The following TFR2 variants were observed in gnomAD, a reference collection of about 807,000 sequenced individuals.
The protein encoded by TFR2 is transferrin receptor 2.
In TFR2, 64 loss-of-function variants were observed where a neutral mutation model predicts 91.9. The observed-to-expected ratio is 0.70, with a 90% CI of 0.57 to 0.86. TFR2 has a LOEUF of 0.86. TFR2 is among the 40% of genes least tolerant of loss of function. TFR2 has a pLI of 0.00. For synonymous variants in TFR2, 454 were observed against 459.6 expected, an observed-to-expected ratio of 0.99 and a Z score of 0.15; for missense variants, 950 against 1,080.5, an observed-to-expected ratio of 0.88 and a Z score of 1.69.
In TFR2 at chr7:100,620,693, A is replaced by G; in HGVS notation, c.*164T>C. 1 of 901,462 alleles carries G rather than the reference A, an allele frequency of 1.1e-6. No individual in the cohort carries two copies. Among genetic ancestry groups the G allele is most frequent in the East Asian group, 2.7e-5 (1 of 37,274 alleles). 55.8% of individuals were successfully genotyped at this position (901,462 alleles called of 1,614,324 possible). On this transcript the variant is annotated 3_prime_UTR_variant, in exon 18 of 18. Transcript: ENST00000223051. ...CACTGCAGGGCTGGGGTGTGTGGAT[A>G]TCTGTGCTGGGGTCTGGGCTCCGTG...
At chr7:100,638,748 CA>C in intron 3 of TFR2, among the ~76,000 whole-genome samples, 1 of 89,046 alleles carries the variant, frequency 1.1e-5, no homozygotes, top group Admixed American at 1.3e-4. Context: ...AACTCTGTCT[CA>C]AAAAAAGTAA....
rs3076877 is a variant in TFR2 at position 100,634,177 on chromosome 7, A to AACACACACACACACACACACACACACAC, written c.474-649_474-622dup. Among the ~76,000 whole-genome samples, 44 of 132,804 alleles carry AACACACACACACACACACACACACACAC rather than the reference A, an allele frequency of 3.3e-4. No homozygotes were observed. In the East Asian group the frequency reaches 4.2e-3, roughly 13 times the overall value. 87.1% of individuals were successfully genotyped at this position (132,804 alleles called of 152,430 possible). ...CCCCAACCTCGTTCCTCCCGACGTCAACACACACACACACACACACACACA... is the reference window on the plus strand; with the variant it reads ...CCCCAACCTCGTTCCTCCCGACGTCAACACACACACACACACACACACACACACACACACACACACACACACACACACA... On this transcript the variant is annotated intron_variant, in intron 3 of 17. Transcript: ENST00000223051.
Position 100,627,286 on chromosome 7 carries a change from T to C in TFR2, c.1973A>G (p.Asn658Ser). 3 of 1,549,268 alleles carry C rather than the reference T, an allele frequency of 1.9e-6. No individual in the cohort carries two copies. The highest frequency in any genetic ancestry group is 2.6e-6 in the Non-Finnish European group (3 of 1,146,770). The change falls in exon 16 of 18, where the codon AAC (asparagine) becomes AGC (serine). Residue 658 changes from asparagine to serine, a missense_variant. Coordinates refer to ENST00000223051, the MANE Select transcript of TFR2 (RefSeq NM_003227.4). Reference protein sequence around the residue: ...DVVLRHIGNLNEFSGDLKARG... With the variant: ...DVVLRHIGNLSEFSGDLKARG... ...AACCTTGAGGTCCCCAGAGAACTCG[T>C]TGAGGTTCCCGATGTGCCTGAGGAC...
At chr7:100,631,697 G>A in intron 8 of TFR2, 109 bp downstream of exon 8, 1 of 1,479,960 alleles carries the variant, frequency 6.8e-7, no homozygotes, top group Non-Finnish European at 9.1e-7. Flanking sequence ...CTCACTGCAG[G>A]CTTAAACAAG....
intron 8 of TFR2, 36 bp from the exon 9 acceptor site, chr7:100,631,088 G>A (rs776560710): frequency 6.6e-7 from 1 of 1,507,360 alleles, no homozygotes; most frequent in Non-Finnish European, 8.8e-7. Context: ...GGAAGTTGTA[G>A]AGAGACCCAG....
intron 17 of TFR2, among the ~76,000 whole-genome samples, chr7:100,625,758 G>A (rs962820984): frequency 1.3e-5 from 2 of 152,138 alleles, no homozygotes; most frequent in Admixed American, 1.3e-4. Context: ...CATGGCACGT[G>A]CCTGTACTCC....
chr7:100,633,407 C>G lies in TFR2; in HGVS notation c.614+9G>C. The G allele has an allele frequency of 6.2e-7, 1 of 1,606,952 alleles. No individual in the cohort carries two copies. The highest frequency in any genetic ancestry group is 8.5e-7 in the Non-Finnish European group (1 of 1,176,536). On this transcript the variant is annotated intron_variant, in intron 4 of 17. Transcript: ENST00000223051. ...TCCCCGCGCGCCCCCCGCCCGCGCG[C>G]GCACTCACGGATCCGGGAATTGCAG...
chr7:100,626,777 C>A lies in TFR2; in HGVS notation c.2122G>T (p.Val708Leu), dbSNP rs1389052047. 4 of 1,546,400 alleles carry A rather than the reference C, an allele frequency of 2.6e-6. No individual in the cohort carries two copies. In the South Asian group the frequency reaches 4.8e-5, roughly 18 times the overall value. ...RDERLTRMYN[V>L]RIMRVEFYFL... is the part of the protein sequence containing the mutation. ...CGGGGCCTCACCCGCATTATGCGCA[C>A]GTTGTACATGCGTGTCAGTCGCTCG... The change falls in exon 17 of 18, where the codon GTG (valine) becomes TTG (leucine). Residue 708 changes from valine to leucine, a missense_variant. Transcript: ENST00000223051.
chr7:100,624,010 C>T (rs926843070), intron 17 of TFR2, among the ~76,000 whole-genome samples: 4 of 151,752 alleles, frequency 2.6e-5, no homozygotes, highest in South Asian at 2.1e-4. Context: ...GAGCCGGGAT[C>T]GCGCCACTGC....
chr7:100,627,350 G>C lies in TFR2; in HGVS notation c.1909C>G (p.Arg637Gly). The C allele has an allele frequency of 6.4e-7, 1 of 1,551,868 alleles. No homozygotes were observed. Among genetic ancestry groups the C allele is most frequent in the East Asian group, 2.4e-5 (1 of 41,026 alleles). The change falls in exon 16 of 18, where the codon CGC becomes GGC. Residue 637 changes from arginine (R) to glycine (G), a missense_variant. Physicochemically the swap from Arg to Gly is moderately radical, Grantham distance 125. Transcript: ENST00000223051. ...CGGCCGAAGTCGAGGGGCAGCAGGC[G>C]ATCGTGGCTGAGCCGGATGAGGAGC... ...GQLLIRLSHD[R>G]LLPLDFGRYG... is the part of the protein sequence containing the mutation.
chr7:100,634,945 CTTTTTTTT>C (rs764317596), intron 3 of TFR2, among the ~76,000 whole-genome samples: 1 of 147,428 alleles, frequency 6.8e-6, no homozygotes, highest in African/African-American at 2.5e-5. Context: ...TTCTTTCTTT[CTTTTTTTT>C]TTTGAGACGG....
At chr7:100,627,025 G>T in intron 16 of TFR2, 122 bp from the exon 17 acceptor site, 1 of 1,412,880 alleles carries the variant, frequency 7.1e-7, no homozygotes, top group Non-Finnish European at 9.4e-7. Flanking sequence ...CAGGAGGGAG[G>T]AGGTAGACGA....
rs781487547 is a variant in TFR2 at position 100,640,745 on chromosome 7, G to A, written c.414C>T (p.Ser138=). 5 of 1,613,886 alleles carry A rather than the reference G, an allele frequency of 3.1e-6. No individual in the cohort carries two copies. Among genetic ancestry groups the A allele is most frequent in the Middle Eastern group, 3.3e-4 (2 of 6,084 alleles). ...LDFHQGRLYW[S]DLQAMFLQFL... ...ACTGCAGGAACATGGCCTGGAGGTC[G>A]CTCCAGTAGAGTCTGCCCTGGTGGA... Residue 138 remains serine, a synonymous_variant, in exon 3 of 18, where the codon AGC becomes AGT. Transcript: ENST00000223051.
chr7:100,622,966 A>C (rs1416786144), intron 17 of TFR2, among the ~76,000 whole-genome samples: 6 of 90,600 alleles, frequency 6.6e-5, no homozygotes, highest in African/African-American at 1.1e-4. Context: ...CTCAGAAAAC[A>C]AAACCAAACA....
chr7:100,626,940 G>A, intron 16 of TFR2, 37 bp from the exon 17 acceptor site: 1 of 1,524,636 alleles, frequency 6.6e-7, no homozygotes, highest in Non-Finnish European at 8.8e-7. Context: ...CTGGCGGCAG[G>A]GGCCAGGACC....
Position 100,620,943 on chromosome 7 carries a change from G to C in TFR2, c.2320C>G (p.Arg774Gly). The change falls in exon 18 of 18, where the codon CGT (arginine) becomes GGT (glycine). Residue 774 changes from arginine (R) to glycine (G), a missense_variant. Physicochemically the swap from Arg to Gly is moderately radical, Grantham distance 125. Coordinates refer to ENST00000223051, the MANE Select transcript of TFR2 (RefSeq NM_003227.4). ...GTCCAGGTGAGCAGGGCTAGCTGAC[G>C]CCGGAAACGGCTCTCCTGGAAGCCA... ...STGFQESRFR[R>G]QLALLTWTLQ... is the part of the protein sequence containing the mutation. 3 of 1,613,950 alleles carry C rather than the reference G, an allele frequency of 1.9e-6. No homozygotes were observed. Among genetic ancestry groups the C allele is most frequent in the Non-Finnish European group, 2.5e-6 (3 of 1,179,946 alleles).
At chr7:100,634,219 C>G (rs1052280922) in intron 3 of TFR2, among the ~76,000 whole-genome samples, 2 of 149,568 alleles carry the variant, frequency 1.3e-5, no homozygotes, top group Admixed American at 6.7e-5. Context: ...CACACACACA[C>G]AGCACCCAAA....
Position 100,632,064 on chromosome 7 carries a change from C to T in TFR2, c.966+18G>A, listed in dbSNP as rs1350207758. 1 of 1,613,926 alleles carries T rather than the reference C, an allele frequency of 6.2e-7. No homozygotes were observed. The highest frequency in any genetic ancestry group is 8.5e-7 in the Non-Finnish European group (1 of 1,179,928). ...CCTCGGGACCTGGGAACAGCACGACCAGCCTCCCCAGACTCACATGTCCAT... is the reference window on the plus strand; with the variant it reads ...CCTCGGGACCTGGGAACAGCACGACTAGCCTCCCCAGACTCACATGTCCAT... On this transcript the variant is annotated intron_variant, in intron 7 of 17. Transcript: ENST00000223051.
At chr7:100,626,985 C>G (rs1348981453) in intron 16 of TFR2, 82 bp from the exon 17 acceptor site, 39 of 1,481,932 alleles carry the variant, frequency 2.6e-5, no homozygotes, top group Non-Finnish European at 3.2e-5. Context: ...CCCCGCCTAG[C>G]ATGGGGAAGG....
Sources: gnomAD v4.1 joint callset for allele counts (sites outside exome capture counted in the v4.1 genomes callset) on GRCh38, gnomAD v4.1.1 for gene constraint, MANE v1.5 for transcripts, NCBI Gene and HGNC (gene_info 2026-07-23, HGNC 2026-07-21) for gene names.